IGF1R: variants seen among roughly 807,000 people sequenced by gnomAD.
IGF1R encodes insulin-like growth factor 1 receptor.
IGF1R carries 44 observed loss-of-function variants against 144.6 expected under a neutral mutation model. The observed-to-expected ratio is 0.30, with a 90% confidence interval of 0.24 to 0.39. The LOEUF is 0.39. IGF1R is among the 10% of genes least tolerant of loss of function. The probability of loss-of-function intolerance (pLI) is 1.00; values close to 1 mark genes in which losing one functional copy is unlikely to be tolerated. For synonymous variants in IGF1R, 795 were observed against 722.8 expected (o/e 1.10, Z -1.60); for missense variants, 1,355 against 1,833.7 (o/e 0.74, Z 4.77).
In IGF1R at chr15:98,957,379, C is replaced by A. The variant is rs749095736; in HGVS notation, c.4041C>A (p.Ala1347=). The A allele has an allele frequency of 6.2e-7, 1 of 1,613,414 alleles. No homozygotes were observed. The highest frequency in any genetic ancestry group is 8.5e-7 in the Non-Finnish European group (1 of 1,179,996). Residue 1347 remains alanine (A), a synonymous_variant, in exon 21 of 21, where the codon GCC becomes GCA. Transcript: ENST00000650285. ...RASFDERQPY[A]HMNGGRKNER... is the part of the protein sequence containing the mutation. ...GCTTCGACGAGAGACAGCCTTACGC[C>A]CACATGAACGGGGGCCGCAAGAACG...
At chr15:98,903,799 T>G (rs2014595870) in intron 5 of IGF1R, among the ~76,000 whole-genome samples, 1 of 152,130 alleles carries the variant, frequency 6.6e-6, no homozygotes, top group Non-Finnish European at 1.5e-5. Flanking sequence ...TCTAAAACAT[T>G]AGGCTAAGTG....
intron 2 of IGF1R, among the ~76,000 whole-genome samples, chr15:98,812,844 T>A (rs2056619713): frequency 6.6e-6 from 1 of 152,224 alleles, no homozygotes; most frequent in Non-Finnish European, 1.5e-5. Flanking sequence ...ATTAGATAAC[T>A]CCAAGTTGGC....
chr15:98,707,478 A>C lies in IGF1R; in HGVS notation c.95-84A>C. ...CTTTAATAATAATACAGGATTCCTG[A>C]AAACCAACTGTATTATTGTTTGGAA... On this transcript the variant is annotated intron_variant, in intron 1 of 20. Transcript: ENST00000650285. The surrounding 1 kb of genome is among the most constrained non-coding windows in gnomAD (Gnocchi z 6.7). The C allele has an allele frequency of 7.4e-7, 1 of 1,343,414 alleles. No individual in the cohort carries two copies. Among genetic ancestry groups the C allele is most frequent in the South Asian group, 1.3e-5 (1 of 79,824 alleles). 83.2% of individuals were successfully genotyped at this position (1,343,414 alleles called of 1,614,324 possible).
intron 2 of IGF1R, among the ~76,000 whole-genome samples, chr15:98,714,272 C>T (rs776428020): frequency 6.6e-5 from 10 of 152,188 alleles, no homozygotes; most frequent in African/African-American, 1.9e-4. Flanking sequence ...GGAGTAGAGG[C>T]GCTCTCCTTC....
intron 2 of IGF1R, among the ~76,000 whole-genome samples, chr15:98,770,666 G>A (rs552346617): frequency 6.6e-6 from 1 of 152,300 alleles, no homozygotes; most frequent in African/African-American, 2.4e-5. Flanking sequence ...TGACAGGGAA[G>A]ACCAGGGATG....
chr15:98,745,733 G>C (rs979142394), intron 2 of IGF1R, among the ~76,000 whole-genome samples: 2 of 151,366 alleles, frequency 1.3e-5, no homozygotes, highest in Non-Finnish European at 3.0e-5. Flanking sequence ...GCTTAAAGCT[G>C]CCCTGAAATC....
chr15:98,933,162 A>G (rs2016010087), intron 15 of IGF1R, among the ~76,000 whole-genome samples: 2 of 152,246 alleles, frequency 1.3e-5, no homozygotes, highest in African/African-American at 4.8e-5. Flanking sequence ...ACACAGCGTC[A>G]GAGGAATTAC....
At chr15:98,786,488 C>CA (rs2056000625) in intron 2 of IGF1R, among the ~76,000 whole-genome samples, 1 of 152,184 alleles carries the variant, frequency 6.6e-6, no homozygotes, top group South Asian at 2.1e-4. Flanking sequence ...TCGGGTGTGG[C>CA]AAGTGCCTTC....
rs1332445086 is a variant in IGF1R, at chr15:98,958,933, C to T, written c.*1491C>T. 4.3e-6 allele frequency: 1 copy of T among 233,364 alleles called. No individual in the cohort carries two copies. Among genetic ancestry groups the T allele is most frequent in the Non-Finnish European group, 8.5e-6 (1 of 118,042 alleles). The allele number at this position is 233,364 out of a possible 1,614,324, so 14.5% of individuals were successfully genotyped here. A position where few individuals can be genotyped will look rare whatever the true frequency, so the allele number is the denominator to read the frequency against. ...CATCCCCCATCCCTGCTCCCACCTG[C>T]CCCTTTAGTTGTTTTCTAACCCGTA... On this transcript the variant is annotated 3_prime_UTR_variant, in exon 21 of 21. Transcript: ENST00000650285.
intron 19 of IGF1R, among the ~76,000 whole-genome samples, chr15:98,944,922 T>C (rs1185306609): frequency 6.6e-6 from 1 of 152,258 alleles, no homozygotes; most frequent in African/African-American, 2.4e-5. Flanking sequence ...GTAGCACAAT[T>C]GCATACCTTG....
At chr15:98,843,982 G>A (rs1567157450) in intron 2 of IGF1R, among the ~76,000 whole-genome samples, 1 of 152,200 alleles carries the variant, frequency 6.6e-6, no homozygotes, top group Non-Finnish European at 1.5e-5. Context: ...TTTCAGAGCA[G>A]ATGGGCTTGT....
At chr15:98,885,210 G>C (rs1441714172) in intron 2 of IGF1R, among the ~76,000 whole-genome samples, 1 of 152,172 alleles carries the variant, frequency 6.6e-6, no homozygotes, top group Non-Finnish European at 1.5e-5. Flanking sequence ...CCCCGAACCT[G>C]CCACGTCTAT....
chr15:98,817,027 G>A (rs80250100), intron 2 of IGF1R, among the ~76,000 whole-genome samples: 13,839 of 152,240 alleles, frequency 0.091, 686 homozygotes, highest in Middle Eastern at 0.22. Flanking sequence ...TCAATGCTGC[G>A]TGTGGTGGCT....
chr15:98,889,084 C>T (rs1308615240), intron 2 of IGF1R, among the ~76,000 whole-genome samples: 2 of 152,186 alleles, frequency 1.3e-5, no homozygotes, highest in Admixed American at 1.3e-4. Context: ...CATATGGCCA[C>T]CTCTAGCTAC....
At position 98,891,621 on chromosome 15, in the gene IGF1R, C is replaced by T. The variant is rs1282070639; in HGVS notation, c.937C>T (p.Arg313Cys). 3.1e-6 allele frequency: 5 copies of T among 1,601,258 alleles called. No homozygotes were observed. Among genetic ancestry groups the T allele is most frequent in the African/African-American group, 1.3e-5 (1 of 75,068 alleles). Residue 313 changes from arginine (R) to cysteine (C), a missense_variant, in exon 3 of 21, where the codon CGC becomes TGC. By Grantham distance (180) the Arg-to-Cys change is radical (BLOSUM62 -3). This residue lies in a region of IGF1R where 880 missense variants were observed against 1,202.7 expected (regional missense o/e 0.73). Transcript: ENST00000650285. The surrounding 1 kb of genome is among the most constrained non-coding windows in gnomAD (Gnocchi z 4.7). ...CMQECPSGFI[R>C]NGSQSMYCIP... ...GCAGGAGTGCCCCTCGGGCTTCATC[C>T]GCAACGGCAGCCAGAGGTCAGTCGC...
At chr15:98,689,850 AG>A (rs2141229536) in intron 1 of IGF1R, among the ~76,000 whole-genome samples, 1 of 152,222 alleles carries the variant, frequency 6.6e-6, no homozygotes, top group South Asian at 2.1e-4. Flanking sequence ...GCCACCTCTG[AG>A]GGTGCTTGCT....
chr15:98,843,500 G>A (rs560485961), intron 2 of IGF1R, among the ~76,000 whole-genome samples: 1 of 152,070 alleles, frequency 6.6e-6, no homozygotes, highest in South Asian at 2.1e-4. Context: ...AATTTCATAG[G>A]TACACGATAC....
chr15:98,930,413 TA>T, intron 15 of IGF1R, 108 bp downstream of exon 15: 1 of 727,066 alleles, frequency 1.4e-6, no homozygotes, highest in Non-Finnish European at 2.5e-6. Flanking sequence ...TATTTTGAGC[TA>T]CCTTTGGCCT....
chr15:98,895,728 G>A (rs1398465608), intron 3 of IGF1R, among the ~76,000 whole-genome samples: 1 of 152,198 alleles, frequency 6.6e-6, no homozygotes, highest in African/African-American at 2.4e-5. Context: ...TGGGTAGGGG[G>A]AAGGGACATT....
Sources: allele counts gnomAD v4.1 joint callset (sites outside exome capture counted in the v4.1 genomes callset), GRCh38; gene constraint gnomAD v4.1.1; regional missense constraint gnomAD v4.1.1; non-coding constraint Gnocchi (gnomAD v3.1); transcripts MANE v1.5; gene names NCBI Gene and HGNC (gene_info 2026-07-23, HGNC 2026-07-21).